The following HM13 variants were observed in gnomAD, a reference collection of about 807,000 sequenced individuals.
HM13 encodes histocompatibility minor 13.
Under a neutral mutation model 50.0 loss-of-function variants are expected in HM13, and 18 were observed. The ratio of observed to expected loss-of-function variants is 0.36; its 90% CI spans 0.25 to 0.53. The LOEUF (loss-of-function observed/expected upper bound fraction) is 0.53. Among genes scored for constraint, HM13 ranks in the 20% least tolerant of loss-of-function variants. The probability of loss-of-function intolerance (pLI) is 0.90; values close to 1 mark genes in which losing one functional copy is unlikely to be tolerated. For synonymous variants in HM13, 197 were observed against 232.6 expected (o/e 0.85, Z 1.39); for missense variants, 393 against 552.4 (o/e 0.71, Z 2.89).
Position 31,566,221 on chromosome 20 carries a change from A to G in HM13, c.960A>G (p.Leu320=), listed in dbSNP as rs1379247709. Reference sequence around the variant, plus strand: ...GTGTCCTCTCATAGCCTGCCCTCCTATACCTGGTCCCCGCCTGCATCGGTT... The same window carrying G: ...GTGTCCTCTCATAGCCTGCCCTCCTGTACCTGGTCCCCGCCTGCATCGGTT... ...HIFKHAQPAL[L]YLVPACIGFP... is the part of the protein sequence containing the mutation. Residue 320 remains leucine (L), a synonymous_variant, in exon 11 of 13, where the codon CTA becomes CTG. Transcript: ENST00000398174. 1 of 1,613,462 alleles carries G rather than the reference A, an allele frequency of 6.2e-7. No individual in the cohort carries two copies.
At position 31,529,682 on chromosome 20, in the gene HM13, G is replaced by A. The variant is rs370148615; in HGVS notation, c.282+2100G>A. ...TGTGATCCCAGCACTTTGGGAAGCC[G>A]AGGTGGGTGGATCATCTGAGGTCAG... On this transcript the variant is annotated intron_variant, in intron 2 of 12. Coordinates refer to ENST00000398174, the MANE Select transcript of HM13 (RefSeq NM_178581.3). 7.7e-4 allele frequency among the ~76,000 whole-genome samples: 117 copies of A among 152,272 alleles called. 1 individual carries two copies. Among genetic ancestry groups the A allele is most frequent in the African/African-American group, 2.5e-3 (105 of 41,544 alleles).
intron 2 of HM13, among the ~76,000 whole-genome samples, chr20:31,536,519 C>A (rs1417753054): frequency 2.6e-5 from 4 of 152,140 alleles, no homozygotes; most frequent in Non-Finnish European, 5.9e-5. Context: ...GCAGAGAAGT[C>A]CTCTCATGCT....
chr20:31,539,043 G>T, intron 3 of HM13: 9 of 980,718 alleles, frequency 9.2e-6, no homozygotes, highest in East Asian at 2.3e-4. Context: ...TCAAACCCAG[G>T]TGTGGCTCCA....
intron 1 of HM13, among the ~76,000 whole-genome samples, chr20:31,525,802 C>G (rs1982452422): frequency 6.6e-6 from 1 of 151,886 alleles, no homozygotes; most frequent in African/African-American, 2.4e-5. Context: ...GAAATTTATA[C>G]CAGTACTATA....
chr20:31,528,192 T>C (rs1257096702), intron 2 of HM13: 1 of 152,228 alleles, frequency 6.6e-6, no homozygotes, highest in Non-Finnish European at 1.5e-5. Context: ...CCTTCCTTAG[T>C]TGTACTATTT....
chr20:31,569,024 T>C, intron 12 of HM13, 96 bp from the exon 13 acceptor site: 1 of 846,746 alleles, frequency 1.2e-6, no homozygotes, highest in Non-Finnish European at 1.9e-6. Flanking sequence ...GACCAGGCGC[T>C]TTCCTAGGAT....
intron 3 of HM13, among the ~76,000 whole-genome samples, chr20:31,544,419 G>T (rs910507779): frequency 5.9e-5 from 9 of 152,234 alleles, no homozygotes; most frequent in Non-Finnish European, 1.3e-4. Context: ...CTGCCCAGGG[G>T]CTATGATTCA....
chr20:31,519,828 C>T (rs1002607415), intron 1 of HM13, among the ~76,000 whole-genome samples: 3 of 148,424 alleles, frequency 2.0e-5, no homozygotes, highest in South Asian at 2.1e-4. Flanking sequence ...ATTGGTGGGT[C>T]GAAGGCTATG....
intron 10 of HM13, among the ~76,000 whole-genome samples, 177 bp downstream of exon 10, chr20:31,561,913 C>T (rs1369853736): frequency 6.6e-6 from 1 of 152,230 alleles, no homozygotes; most frequent in African/African-American, 2.4e-5. Context: ...GCTGCCACTG[C>T]TCTAGGCAGC....
intron 4 of HM13, chr20:31,547,686 C>A: frequency 7.1e-7 from 1 of 1,410,966 alleles, no homozygotes; most frequent in Non-Finnish European, 9.8e-7. Flanking sequence ...ATACAGAAAT[C>A]CTTACCGTAA....
chr20:31,530,414 CTTT>C (rs11478596), intron 2 of HM13, among the ~76,000 whole-genome samples: 2 of 143,658 alleles, frequency 1.4e-5, no homozygotes, highest in Non-Finnish European at 1.5e-5. Context: ...TTCTTTCATT[CTTT>C]TTTTTTTTTT....
At chr20:31,554,947 A>G (rs928711131) in intron 8 of HM13, 118 bp downstream of exon 8, 9 of 897,726 alleles carry the variant, frequency 1.0e-5, no homozygotes, top group African/African-American at 9.9e-5. Flanking sequence ...GTAAGGCTGG[A>G]TCAGGCCAGG....
intron 2 of HM13, among the ~76,000 whole-genome samples, chr20:31,537,893 G>T (rs1396758715): frequency 3.3e-5 from 5 of 152,214 alleles, no homozygotes; most frequent in African/African-American, 1.2e-4. Context: ...CAGAACCCCT[G>T]TGCAGCACTT....
intron 9 of HM13, among the ~76,000 whole-genome samples, chr20:31,559,882 G>A (rs1361376800): frequency 6.6e-6 from 1 of 152,244 alleles, no homozygotes; most frequent in Admixed American, 6.5e-5. Flanking sequence ...AGGGCCTGGT[G>A]GTACTCACAG....
chr20:31,560,601 T>G (rs1163340097), intron 9 of HM13, among the ~76,000 whole-genome samples: 1 of 152,258 alleles, frequency 6.6e-6, no homozygotes, highest in African/African-American at 2.4e-5. Flanking sequence ...CCGTCTCTAC[T>G]CCTGGCTGTT....
At chr20:31,523,894 G>C (rs115275924) in intron 1 of HM13, among the ~76,000 whole-genome samples, 2 of 152,300 alleles carry the variant, frequency 1.3e-5, no homozygotes, top group African/African-American at 4.8e-5. Flanking sequence ...ACATGGAGCT[G>C]CCTCCAGTGG....
At chr20:31,548,410 C>T (rs1393588754) in intron 4 of HM13, 3 of 189,518 alleles carry the variant, frequency 1.6e-5, no homozygotes, top group Non-Finnish European at 2.2e-5. Context: ...TCGGGGACTC[C>T]GGCCTTTCCT....
chr20:31,526,937 G>C (rs189987082), intron 1 of HM13, among the ~76,000 whole-genome samples: 34 of 152,332 alleles, frequency 2.2e-4, no homozygotes, highest in African/African-American at 7.7e-4. Flanking sequence ...TCTTCTCTCA[G>C]TTATTCCATA....
intron 11 of HM13, 112 bp from the exon 12 acceptor site, chr20:31,567,966 G>A (rs1985018454): frequency 1.0e-6 from 1 of 959,492 alleles, no homozygotes; most frequent in African/African-American, 1.7e-5. Flanking sequence ...TGCAAAAATA[G>A]GTAAAAACAA....
Sources: gnomAD v4.1 joint callset for allele counts (sites outside exome capture counted in the v4.1 genomes callset) on GRCh38, gnomAD v4.1.1 for gene constraint, MANE v1.5 for transcripts, NCBI Gene and HGNC (gene_info 2026-07-23, HGNC 2026-07-21) for gene names.